Variants in CUX1 observed in about 807,000 individuals in gnomAD.
The protein encoded by CUX1 is cut like homeobox 1, also known as protein CASP.
In CUX1, 31 loss-of-function variants were observed where a neutral mutation model predicts 158.8. The observed-to-expected ratio is 0.20, with a 90% CI of 0.15 to 0.26. The LOEUF is 0.26. Ranked by LOEUF, CUX1 falls within the 10% of genes least tolerant of loss-of-function variation. The pLI is 1.00. For missense variants in CUX1, 1,589 were observed against 2,014.6 expected, an observed-to-expected ratio of 0.79 and a Z score of 4.04; for synonymous variants, 879 against 862.1, an observed-to-expected ratio of 1.02 and a Z score of -0.34.
intron 1 of CUX1, among the ~76,000 whole-genome samples, chr7:101,915,761 G>A (rs902985447): frequency 6.6e-6 from 1 of 152,192 alleles, no homozygotes; most frequent in Non-Finnish European, 1.5e-5. Context: ...GCAACTTGGG[G>A]AGGCGGGTGC....
At chr7:102,273,373 TGCGGAGCTGCAA>T (rs1554546736) in exon 15 of CUX1, 1 of 1,611,950 alleles carries the variant, frequency 6.2e-7, no homozygotes, top group Non-Finnish European at 8.5e-7. Flanking sequence ...CAGGACGCTG[TGCGGAGCTGCAA>T]GTCCGTATCA....
In CUX1 at chr7:102,277,944, C is replaced by T. The variant is rs371475257; in HGVS notation, c.1564-5C>T. ...CCACCCCTTTCCTTGCCCCTCCCCC[C>T]CCAGGAGAACCGCCTGGCCCAGCAC... On this transcript the variant is annotated splice_region_variant and splice_polypyrimidine_tract_variant and intron_variant, in intron 17 of 22. Coordinates refer to the CUX1 transcript ENST00000292538. 2.2e-5 allele frequency: 33 copies of T among 1,500,086 alleles called. No individual in the cohort carries two copies. In the East Asian group the frequency reaches 2.5e-4, roughly 11 times the overall value. 92.9% of individuals were successfully genotyped at this position (1,500,086 alleles called of 1,614,324 possible).
intron 1 of CUX1, among the ~76,000 whole-genome samples, chr7:101,858,814 C>G (rs968037468): frequency 6.6e-6 from 1 of 151,974 alleles, no homozygotes; most frequent in Non-Finnish European, 1.5e-5. Context: ...TACACACACT[C>G]GCTACCATGC....
intron 22 of CUX1, 81 bp downstream of exon 22, chr7:102,234,321 T>C: frequency 7.7e-7 from 1 of 1,301,698 alleles, no homozygotes. Context: ...CACACACAGC[T>C]GATGAGGGAC....
In CUX1 at chr7:102,201,636, A is replaced by G; in HGVS notation, c.2339A>G (p.Asn780Ser). The change falls in exon 18 of 24, where the codon AAC (asparagine) becomes AGC (serine). Residue 780 changes from asparagine to serine, a missense_variant. By Grantham distance (46) the Asn-to-Ser change is conservative (BLOSUM62 1). Around this residue, in one of 8 missense-constraint regions of CUX1, gnomAD observed 337 missense variants for 409.3 expected, o/e 0.82. Coordinates refer to ENST00000292535, the MANE Select transcript of CUX1 (RefSeq NM_181552.4). The surrounding 1 kb of genome is among the most constrained non-coding windows in gnomAD (Gnocchi z 5.0). ...GAGGCCGGTGCCTCTGCTCTGCCGA[A>G]CCCCCCGGCCCTCAAAAAGGAGGCC... is the stretch of plus-strand genomic sequence containing the variant. Reference protein sequence around the residue: ...APEAGASALPNPPALKKEAQD... With the variant: ...APEAGASALPSPPALKKEAQD... 1 of 1,613,008 alleles carries G rather than the reference A, an allele frequency of 6.2e-7. No homozygotes were observed. The highest frequency in any genetic ancestry group is 2.2e-5 in the East Asian group (1 of 44,840).
In CUX1 at chr7:101,925,478, T is replaced by G. The variant is rs1299631120; in HGVS notation, c.141+9253T>G. Among the ~76,000 whole-genome samples, 3 of 152,146 alleles carry G rather than the reference T, an allele frequency of 2.0e-5. No individual in the cohort carries two copies. The East Asian group carries it at 5.8e-4, about 29-fold the overall frequency. ...GGATAGAGGAATGAGGAATGACTGA[T>G]AGTTGGTATGAGGTTTCTTTTTGGA... On this transcript the variant is annotated intron_variant, in intron 2 of 23. Transcript: ENST00000292535.
rs182350312 is a variant in CUX1 at position 101,968,642 on chromosome 7, C to G, written c.141+52417C>G. ...TTTCCCACGTTGGCCAGGCTGGTCT[C>G]AAACTCCTGGCCTCAAGTGATCCAC... is the stretch of plus-strand genomic sequence containing the variant. On this transcript the variant is annotated intron_variant, in intron 2 of 23. Coordinates refer to ENST00000292535, the MANE Select transcript of CUX1 (RefSeq NM_181552.4). Among the ~76,000 whole-genome samples, 995 of 152,190 alleles carry G rather than the reference C, an allele frequency of 6.5e-3. 2 individuals carry two copies. Among genetic ancestry groups the G allele is most frequent in the Non-Finnish European group, 0.011 (717 of 67,994 alleles).
chr7:102,274,822 CT>C (rs1791493224), intron 16 of CUX1, among the ~76,000 whole-genome samples: 1 of 152,236 alleles, frequency 6.6e-6, no homozygotes, highest in African/African-American at 2.4e-5. Flanking sequence ...AGGACAGAAA[CT>C]GAGGCTGCTG....
At chr7:102,208,366 C>A (rs1307976791) in intron 20 of CUX1, among the ~76,000 whole-genome samples, 3 of 152,200 alleles carry the variant, frequency 2.0e-5, no homozygotes, top group Non-Finnish European at 4.4e-5. Context: ...GCCTCAGCCT[C>A]CCAAGTAGCT....
intron 9 of CUX1, among the ~76,000 whole-genome samples, chr7:102,168,142 G>T (rs1456447048): frequency 1.3e-5 from 2 of 151,478 alleles, no homozygotes; most frequent in African/African-American, 4.9e-5. Flanking sequence ...CACCTCTACA[G>T]TCCTGGACAT....
intron 8 of CUX1, among the ~76,000 whole-genome samples, chr7:102,139,082 T>TA (rs1167402425): frequency 6.6e-6 from 1 of 151,600 alleles, no homozygotes; most frequent in Admixed American, 6.6e-5. Flanking sequence ...CCATCTGTAC[T>TA]AAAAATACAA....
intron 2 of CUX1, among the ~76,000 whole-genome samples, chr7:101,998,362 C>A (rs755859938): frequency 6.6e-6 from 1 of 152,172 alleles, no homozygotes; most frequent in Non-Finnish European, 1.5e-5. Context: ...GCACATTTAC[C>A]GAGTGTGCAC....
chr7:101,890,411 G>A (rs889686858), intron 1 of CUX1, among the ~76,000 whole-genome samples: 5 of 152,040 alleles, frequency 3.3e-5, no homozygotes, highest in Non-Finnish European at 7.4e-5. Context: ...TCACATGAAG[G>A]ACAGCTGTCC....
chr7:102,135,112 A>G (rs1366505419), intron 8 of CUX1, among the ~76,000 whole-genome samples: 7 of 152,170 alleles, frequency 4.6e-5, no homozygotes, highest in African/African-American at 1.7e-4. Flanking sequence ...CACAGGGGTT[A>G]GAGGCACTGA....
At chr7:102,269,971 A>C (rs1303063698) in intron 14 of CUX1, among the ~76,000 whole-genome samples, 2 of 152,162 alleles carry the variant, frequency 1.3e-5, no homozygotes, top group Non-Finnish European at 2.9e-5. Flanking sequence ...CGAGCCAGCC[A>C]GCTGCCCACC....
In CUX1 at chr7:101,841,185, G is replaced by A. The variant is rs59431046; in HGVS notation, c.30+23516G>A. ...TGGGATTACAGGCGTGAGCCACCAC[G>A]CCCGGCAGGTTTTCTATTCTTATGC... On this transcript the variant is annotated intron_variant, in intron 1 of 23. Transcript: ENST00000292535. 0.015 allele frequency among the ~76,000 whole-genome samples: 2,328 copies of A among 152,088 alleles called. 198 individuals carry two copies. In the East Asian group the frequency reaches 0.25, roughly 16 times the overall value.
At chr7:102,283,327 G>C in exon 23 of CUX1, 1 of 547,226 alleles carries the variant, frequency 1.8e-6, no homozygotes, top group East Asian at 3.0e-5. Flanking sequence ...AAGCCGCAGA[G>C]ACCCTCTCAG....
chr7:102,273,217 C>A, intron 14 of CUX1: 1 of 1,084,730 alleles, frequency 9.2e-7, no homozygotes, highest in Non-Finnish European at 1.3e-6. Flanking sequence ...GTCTTCTAGG[C>A]AGTGGTGAGT....
At chr7:102,115,092 C>A in intron 7 of CUX1, 115 bp from the exon 8 acceptor site, 2 of 844,930 alleles carry the variant, frequency 2.4e-6, no homozygotes, top group Non-Finnish European at 3.8e-6. Flanking sequence ...CTTTATTTTT[C>A]CACGCACCTC....
Sources: allele counts gnomAD v4.1 joint callset (sites outside exome capture counted in the v4.1 genomes callset), GRCh38; gene constraint gnomAD v4.1.1; regional missense constraint gnomAD v4.1.1; non-coding constraint Gnocchi (gnomAD v3.1); transcripts MANE v1.5; gene names NCBI Gene and HGNC (gene_info 2026-07-23, HGNC 2026-07-21).